Variants in ZCWPW2 observed in about 807,000 individuals in gnomAD.
ZCWPW2 encodes zinc finger CW-type and PWWP domain containing 2, also known as zinc finger CW-type PWWP domain protein 2.
Under a neutral mutation model 46.6 loss-of-function variants are expected in ZCWPW2, and 45 were observed. That is an observed-to-expected ratio of 0.96 (90% CI 0.76 to 1.24). ZCWPW2 has a LOEUF of 1.24. Ranked by LOEUF, ZCWPW2 falls within the 50% of genes most tolerant of loss-of-function variation. ZCWPW2 has a pLI of 0.00. For missense variants in ZCWPW2, 429 were observed against 403.9 expected, an observed-to-expected ratio of 1.06 and a Z score of -0.53; for synonymous variants, 152 against 137.1, an observed-to-expected ratio of 1.11 and a Z score of -0.76.
At chr3:28,391,381 A>ATG (rs1553631924) in intron 2 of ZCWPW2, among the ~76,000 whole-genome samples, 1 of 92,734 alleles carries the variant, frequency 1.1e-5, no homozygotes, top group African/African-American at 3.0e-5. Flanking sequence ...ACACACATGC[A>ATG]CACACACACA....
intron 1 of ZCWPW2, among the ~76,000 whole-genome samples, chr3:28,385,975 A>G (rs1695258462): frequency 6.6e-6 from 1 of 151,684 alleles, no homozygotes; most frequent in Non-Finnish European, 1.5e-5. Flanking sequence ...TCCTTTAGCA[A>G]CTTTAAAATT....
intron 4 of ZCWPW2, among the ~76,000 whole-genome samples, chr3:28,439,826 C>G (rs577029968): frequency 6.6e-6 from 1 of 152,084 alleles, no homozygotes; most frequent in African/African-American, 2.4e-5. Flanking sequence ...TATACATGAA[C>G]GAACATGTTT....
chr3:28,376,517 A>G (rs543645348), intron 1 of ZCWPW2, among the ~76,000 whole-genome samples: 30 of 152,010 alleles, frequency 2.0e-4, no homozygotes, highest in Non-Finnish European at 4.0e-4. Context: ...TCTGTACTCA[A>G]TTTTCCTAGC....
intron 2 of ZCWPW2, among the ~76,000 whole-genome samples, chr3:28,397,760 CT>C (rs1695762916): frequency 6.6e-6 from 1 of 152,104 alleles, no homozygotes; most frequent in African/African-American, 2.4e-5. Flanking sequence ...ACTTTTCTTA[CT>C]TTTTATTTAG....
Position 28,385,547 on chromosome 3 carries a change from A to T in ZCWPW2, c.-133-4951A>T, listed in dbSNP as rs79468620. Among the ~76,000 whole-genome samples, 240 of 152,314 alleles carry T rather than the reference A, an allele frequency of 1.6e-3. 1 individual carries two copies. The highest frequency in any genetic ancestry group is 2.6e-3 in the Non-Finnish European group (174 of 68,026). ...GGTTACAGCTTTAAGATAGTGCAAG[A>T]TAAGAGTAGGATTGACCATATCAGT... On this transcript the variant is annotated intron_variant, in intron 1 of 9. Transcript: ENST00000383768.
chr3:28,433,060 G>A (rs1697332210), intron 3 of ZCWPW2, among the ~76,000 whole-genome samples: 11 of 151,366 alleles, frequency 7.3e-5, no homozygotes. Context: ...AGATCATATG[G>A]TTGCCCCACT....
At chr3:28,447,745 C>T in intron 4 of ZCWPW2, 1 of 646,664 alleles carries the variant, frequency 1.5e-6, no homozygotes, top group South Asian at 1.4e-5. Context: ...ATTTGACATA[C>T]CATCGTAGGG....
chr3:28,495,712 T>C (rs1191703145), intron 6 of ZCWPW2, among the ~76,000 whole-genome samples: 2 of 152,092 alleles, frequency 1.3e-5, no homozygotes, highest in African/African-American at 2.4e-5. Context: ...AACTCATTTT[T>C]ATTTTATTTA....
At chr3:28,353,067 C>T (rs1704615681) in intron 1 of ZCWPW2, among the ~76,000 whole-genome samples, 1 of 151,974 alleles carries the variant, frequency 6.6e-6, no homozygotes, top group Non-Finnish European at 1.5e-5. Flanking sequence ...CCTGTAGTCC[C>T]AGCCACCTGG....
intron 3 of ZCWPW2, among the ~76,000 whole-genome samples, chr3:28,426,326 T>C (rs997435192): frequency 6.6e-6 from 1 of 151,790 alleles, no homozygotes; most frequent in African/African-American, 2.4e-5. Flanking sequence ...GGTGCATATC[T>C]CACTTAATTC....
At chr3:28,450,963 T>C (rs184299423) in intron 4 of ZCWPW2, among the ~76,000 whole-genome samples, 22 of 152,310 alleles carry the variant, frequency 1.4e-4, no homozygotes, top group Non-Finnish European at 4.4e-5. Flanking sequence ...TTGACACCCT[T>C]ATTGTAGGTA....
intron 4 of ZCWPW2, among the ~76,000 whole-genome samples, chr3:28,462,338 T>C (rs1698671376): frequency 6.6e-6 from 1 of 152,174 alleles, no homozygotes; most frequent in Non-Finnish European, 1.5e-5. Context: ...AAAGATTCTT[T>C]TGTGAAGGTG....
At chr3:28,401,876 C>T (rs999701556) in intron 2 of ZCWPW2, among the ~76,000 whole-genome samples, 7 of 151,844 alleles carry the variant, frequency 4.6e-5, no homozygotes, top group East Asian at 1.9e-4. Flanking sequence ...TCCACATAAA[C>T]GACCATAGTG....
chr3:28,350,212 A>C (rs2125682324), intron 1 of ZCWPW2, among the ~76,000 whole-genome samples: 1 of 152,282 alleles, frequency 6.6e-6, no homozygotes, highest in Middle Eastern at 3.4e-3. Flanking sequence ...TTACAAGTAG[A>C]GTTTTGAAGA....
At chr3:28,426,265 A>G (rs1298255008) in intron 3 of ZCWPW2, among the ~76,000 whole-genome samples, 1 of 151,826 alleles carries the variant, frequency 6.6e-6, no homozygotes, top group Non-Finnish European at 1.5e-5. Context: ...AATTGATCAT[A>G]TGCTATTGTA....
In ZCWPW2 at chr3:28,480,754, G is replaced by T. The variant is rs185763150; in HGVS notation, c.610+1823G>T. ...TTGAATCCATCTTCAGTTAATTTTT[G>T]TATATGGTATAAGGAAGTGGGGCAG... On this transcript the variant is annotated intron_variant, in intron 5 of 9. Transcript: ENST00000383768. Among the ~76,000 whole-genome samples, 69 of 151,642 alleles carry T rather than the reference G, an allele frequency of 4.6e-4. 1 individual carries two copies. The highest frequency in any genetic ancestry group is 1.6e-3 in the African/African-American group (68 of 41,320).
rs772234368 is a variant in ZCWPW2 at position 28,413,340 on chromosome 3, T to C, written c.272T>C (p.Ile91Thr). ...CAGCTTCATCAGTGTGGATTTAAGA[T>C]TGTCTATTCACAGCTCCCTCTTGGA... ...ESQLHQCGFKIVYSQLPLGSL... is the reference protein window; with the variant it reads ...ESQLHQCGFKTVYSQLPLGSL... The change falls in exon 3 of 10, where the codon ATT becomes ACT. Residue 91 changes from isoleucine (I) to threonine (T), a missense_variant. Physicochemically the swap from Ile to Thr is moderately conservative, Grantham distance 89. Transcript: ENST00000383768. 6.2e-7 allele frequency: 1 copy of C among 1,613,018 alleles called. No homozygotes were observed. The highest frequency in any genetic ancestry group is 8.5e-7 in the Non-Finnish European group (1 of 1,179,394).
At chr3:28,453,122 G>A (rs988443616) in intron 4 of ZCWPW2, among the ~76,000 whole-genome samples, 3 of 152,158 alleles carry the variant, frequency 2.0e-5, no homozygotes, top group Admixed American at 2.0e-4. Flanking sequence ...TATCAGCAGT[G>A]TCTCCAGCAT....
chr3:28,389,124 A>T (rs1358796214), intron 1 of ZCWPW2, among the ~76,000 whole-genome samples: 1 of 152,160 alleles, frequency 6.6e-6, no homozygotes, highest in African/African-American at 2.4e-5. Flanking sequence ...TAAGACCTCT[A>T]GGCCGACAGA....
Sources: allele counts gnomAD v4.1 joint callset (sites outside exome capture counted in the v4.1 genomes callset), GRCh38; gene constraint gnomAD v4.1.1; transcripts MANE v1.5; gene names NCBI Gene and HGNC (gene_info 2026-07-23, HGNC 2026-07-21).